The following ARHGAP28 variants were observed in gnomAD, a reference collection of about 807,000 sequenced individuals.
ARHGAP28 encodes Rho GTPase activating protein 28.
Under a neutral mutation model 90.7 loss-of-function variants are expected in ARHGAP28, and 56 were observed. The ratio of observed to expected loss-of-function variants is 0.62; its 90% CI spans 0.50 to 0.77. The LOEUF is 0.77. Among genes scored for constraint, ARHGAP28 ranks in the 30% least tolerant of loss-of-function variants. ARHGAP28 has a pLI of 0.00. For missense variants in ARHGAP28, 869 were observed against 900.9 expected (o/e 0.96, Z 0.45); for synonymous variants, 308 against 323.3 (o/e 0.95, Z 0.51).
intron 2 of ARHGAP28, among the ~76,000 whole-genome samples, chr18:6,828,400 A>AGGAGAGG (rs1457335649): frequency 6.6e-6 from 1 of 152,034 alleles, no homozygotes; most frequent in Non-Finnish European, 1.5e-5. Context: ...GAGAGGAGAG[A>AGGAGAGG]GGAGAGAGGA....
At chr18:6,755,306 T>C (rs1380039118) in intron 1 of ARHGAP28, among the ~76,000 whole-genome samples, 1 of 152,190 alleles carries the variant, frequency 6.6e-6, no homozygotes, top group East Asian at 1.9e-4. Flanking sequence ...GAGTAGTGGC[T>C]CCTTTCCAAA....
intron 5 of ARHGAP28, among the ~76,000 whole-genome samples, chr18:6,865,835 G>A (rs1402985503): frequency 6.6e-6 from 1 of 152,148 alleles, no homozygotes; most frequent in Non-Finnish European, 1.5e-5. Flanking sequence ...ACTTTCAGCA[G>A]AGGGAAAACA....
At chr18:6,889,743 T>A (rs2057249483) in intron 12 of ARHGAP28, 145 bp from the exon 13 acceptor site, 1 of 711,298 alleles carries the variant, frequency 1.4e-6, no homozygotes, top group Non-Finnish European at 2.4e-6. Context: ...TTTTAACCAG[T>A]TAGAGGGGAA....
intron 2 of ARHGAP28, among the ~76,000 whole-genome samples, chr18:6,833,788 G>A (rs144175872): frequency 1.6e-4 from 25 of 152,114 alleles, no homozygotes; most frequent in African/African-American, 4.6e-4. Flanking sequence ...CTGTTATCTT[G>A]GGAGGTACCT....
rs73384599 is a variant in ARHGAP28, at chr18:6,866,055, G to A, written c.727-2095G>A. On this transcript the variant is annotated intron_variant, in intron 5 of 17. Coordinates refer to ENST00000383472, the MANE Select transcript of ARHGAP28 (RefSeq NM_001366230.1). ...CGTAATATAATCCTTAATGAGGAAC[G>A]GATGTTTTAAAATGATATATGTCAA... Among the ~76,000 whole-genome samples the A allele has an allele frequency of 1.8e-3, 276 of 152,220 alleles. 1 individual carries two copies. The highest frequency in any genetic ancestry group is 6.5e-3 in the African/African-American group (269 of 41,522).
At chr18:6,805,324 C>T (rs1287014518) in intron 1 of ARHGAP28, among the ~76,000 whole-genome samples, 4 of 152,072 alleles carry the variant, frequency 2.6e-5, no homozygotes, top group Non-Finnish European at 4.4e-5. Flanking sequence ...AGTCTTTTTG[C>T]TCTATAATAA....
At chr18:6,752,447 C>T (rs571338854) in intron 1 of ARHGAP28, among the ~76,000 whole-genome samples, 1 of 152,300 alleles carries the variant, frequency 6.6e-6, no homozygotes, top group East Asian at 1.9e-4. Context: ...AAACGTCTAG[C>T]GCTTCACTTT....
At position 6,738,757 on chromosome 18, in the gene ARHGAP28, G is replaced by A. The variant is rs2055950003; in HGVS notation, c.122+8814G>A. 2.0e-5 allele frequency among the ~76,000 whole-genome samples: 3 copies of A among 152,304 alleles called. No individual in the cohort carries two copies. In the South Asian group the frequency reaches 6.2e-4, roughly 32 times the overall value. On this transcript the variant is annotated intron_variant, in intron 1 of 17. Coordinates refer to ENST00000383472, the MANE Select transcript of ARHGAP28 (RefSeq NM_001366230.1). ...GTAAATCTATATTTAAGTGGCAAGAGATAAAAAGCAGAAGAGAGAGAGAGA... is the reference window on the plus strand; with the variant it reads ...GTAAATCTATATTTAAGTGGCAAGAAATAAAAAGCAGAAGAGAGAGAGAGA...
chr18:6,741,747 T>G (rs887265983), intron 1 of ARHGAP28, among the ~76,000 whole-genome samples: 4 of 152,192 alleles, frequency 2.6e-5, no homozygotes, highest in African/African-American at 7.2e-5. Flanking sequence ...TTACTCTAGG[T>G]TATTCTTGCT....
At chr18:6,829,571 C>T (rs572073577) in intron 2 of ARHGAP28, among the ~76,000 whole-genome samples, 4 of 152,244 alleles carry the variant, frequency 2.6e-5, no homozygotes, top group East Asian at 3.9e-4. Context: ...CTTTGACAAA[C>T]GCATGCACTC....
chr18:6,811,133 A>C (rs2056553094), intron 1 of ARHGAP28, among the ~76,000 whole-genome samples: 1 of 152,160 alleles, frequency 6.6e-6, no homozygotes, highest in African/African-American at 2.4e-5. Context: ...GTTCTAGTCC[A>C]ATTGATTGTA....
chr18:6,786,650 A>G (rs2056367054), intron 1 of ARHGAP28, among the ~76,000 whole-genome samples: 2 of 152,214 alleles, frequency 1.3e-5, no homozygotes, highest in African/African-American at 2.4e-5. Context: ...AAAGAATGAT[A>G]TAAGATTGTA....
At chr18:6,890,710 G>A (rs1367720) in intron 14 of ARHGAP28, among the ~76,000 whole-genome samples, 167 bp downstream of exon 14, 85,089 of 152,008 alleles carry the variant, frequency 0.56, 23,883 homozygotes, top group East Asian at 0.63. Context: ...ACAGAGTACC[G>A]TGGCCTTTGC....
rs918421831 is a variant in ARHGAP28, at chr18:6,775,537, A to T, written c.122+45594A>T. Reference sequence around the variant, plus strand: ...TTTTTGTTTGTTTGTTTTTAGTTTTACCTCCGATTTCAGGTGGTGTAAGCA... The same window carrying T: ...TTTTTGTTTGTTTGTTTTTAGTTTTTCCTCCGATTTCAGGTGGTGTAAGCA... On this transcript the variant is annotated intron_variant, in intron 1 of 17. Coordinates refer to ENST00000383472, the MANE Select transcript of ARHGAP28 (RefSeq NM_001366230.1). Among the ~76,000 whole-genome samples the T allele has an allele frequency of 5.3e-5, 8 of 151,842 alleles. 2 individuals carry two copies. The highest frequency in any genetic ancestry group is 1.9e-4 in the East Asian group (1 of 5,170).
intron 1 of ARHGAP28, among the ~76,000 whole-genome samples, chr18:6,822,271 A>G (rs1207141696): frequency 6.6e-6 from 1 of 151,680 alleles, no homozygotes; most frequent in Non-Finnish European, 1.5e-5. Flanking sequence ...TTTTGAAGGA[A>G]TTAGCCGAAA....
At chr18:6,884,156 C>T (rs986766234) in intron 11 of ARHGAP28, among the ~76,000 whole-genome samples, 4 of 152,036 alleles carry the variant, frequency 2.6e-5, no homozygotes, top group African/African-American at 4.8e-5. Flanking sequence ...GGGCAGATCA[C>T]GAGTTCAGGA....
chr18:6,833,848 G>C (rs2056733152), intron 2 of ARHGAP28, among the ~76,000 whole-genome samples: 1 of 152,068 alleles, frequency 6.6e-6, no homozygotes, highest in Non-Finnish European at 1.5e-5. Context: ...CTTTATATCA[G>C]AATGGACTCC....
At chr18:6,897,778 T>C (rs1316781235) in intron 16 of ARHGAP28, 1 of 152,106 alleles carries the variant, frequency 6.6e-6, no homozygotes, top group East Asian at 1.9e-4. Flanking sequence ...GGAAGGGAGA[T>C]GGTTTTGGTC....
intron 1 of ARHGAP28, among the ~76,000 whole-genome samples, chr18:6,777,319 T>C (rs1026051088): frequency 6.6e-6 from 1 of 152,034 alleles, no homozygotes; most frequent in African/African-American, 2.4e-5. Context: ...GGAAAAAGGA[T>C]TACAGTTAGG....
Sources: gnomAD v4.1 joint callset for allele counts (sites outside exome capture counted in the v4.1 genomes callset) on GRCh38, gnomAD v4.1.1 for gene constraint, MANE v1.5 for transcripts, NCBI Gene and HGNC (gene_info 2026-07-23, HGNC 2026-07-21) for gene names.